UQCRB: variants seen among roughly 807,000 people sequenced by gnomAD.
UQCRB encodes cytochrome b-c1 complex subunit 7.
Under a neutral mutation model 19.8 loss-of-function variants are expected in UQCRB, and 12 were observed. The observed-to-expected ratio is 0.61, with a 90% confidence interval of 0.39 to 0.98. UQCRB has a LOEUF of 0.98. UQCRB is among the 50% of genes least tolerant of loss of function. The probability of loss-of-function intolerance (pLI) is 0.00; values close to 1 mark genes in which losing one functional copy is unlikely to be tolerated. For missense variants in UQCRB, 142 were observed against 131.8 expected (o/e 1.08, Z -0.38); for synonymous variants, 39 against 42.9 (o/e 0.91, Z 0.35).
In UQCRB at chr8:96,226,040, T is replaced by C. The variant is rs1809519322; in HGVS notation, c.*5015A>G. On this transcript the variant is annotated 3_prime_UTR_variant, in exon 4 of 4. Transcript: ENST00000287022. ...GTAGAAGCCAGGATGCTGCTAAATA[T>C]CCTGTAACACACAGAGGAGGCCCCC... 2 of 152,142 alleles carry C rather than the reference T, an allele frequency of 1.3e-5. No homozygotes were observed. The highest frequency in any genetic ancestry group is 4.1e-4 in the South Asian group (2 of 4,830). 9.4% of individuals were successfully genotyped at this position (152,142 alleles called of 1,614,324 possible).
chr8:96,228,320 G>A lies in UQCRB; in HGVS notation c.*2735C>T, dbSNP rs1233637763. ...AATTAGCAGGATTTGAATATTGGCA[G>A]TTTTAAAATGTCACCCATCCAAAAC... On this transcript the variant is annotated 3_prime_UTR_variant, in exon 4 of 4. Coordinates refer to ENST00000287022, the MANE Select transcript of UQCRB (RefSeq NM_006294.5). 1 of 454,138 alleles carries A rather than the reference G, an allele frequency of 2.2e-6. No individual in the cohort carries two copies. The highest frequency in any genetic ancestry group is 2.0e-5 in the African/African-American group (1 of 50,146). The allele number at this position is 454,138 out of a possible 1,614,324, so 28.1% of individuals were successfully genotyped here. A position where few individuals can be genotyped will look rare whatever the true frequency, so the allele number is the denominator to read the frequency against.
rs1449575956 is a variant in UQCRB at position 96,229,764 on chromosome 8, A to G, written c.*1291T>C. ...GTTTAGAAAAATAACGACCAGCGAAAGGAAAAAAAAAAGCGGGGGAGGGGG... is the reference window on the plus strand; with the variant it reads ...GTTTAGAAAAATAACGACCAGCGAAGGGAAAAAAAAAAGCGGGGGAGGGGG... On this transcript the variant is annotated 3_prime_UTR_variant, in exon 4 of 4. Transcript: ENST00000287022. 1 of 453,764 alleles carries G rather than the reference A, an allele frequency of 2.2e-6. No homozygotes were observed. The allele number at this position is 453,764 out of a possible 1,614,324, so 28.1% of individuals were successfully genotyped here.
At position 96,227,128 on chromosome 8, in the gene UQCRB, T is replaced by C; in HGVS notation, c.*3927A>G. On this transcript the variant is annotated 3_prime_UTR_variant, in exon 4 of 4. Coordinates refer to ENST00000287022, the MANE Select transcript of UQCRB (RefSeq NM_006294.5). ...GTGTTCCTTATACAGTCATCTGGTA[T>C]GTTTAAAGAGTGAGCAATCATATAA... 2.2e-6 allele frequency: 1 copy of C among 452,426 alleles called. No individual in the cohort carries two copies. The highest frequency in any genetic ancestry group is 2.4e-5 in the Admixed American group (1 of 42,332). The allele number at this position is 452,426 out of a possible 1,614,324, so 28.0% of individuals were successfully genotyped here.
In UQCRB at chr8:96,230,890, G is replaced by GATTCAGTAGTT. The variant is rs577369724; in HGVS notation, c.*154_*164dup. On this transcript the variant is annotated 3_prime_UTR_variant, in exon 4 of 4. Coordinates refer to ENST00000287022, the MANE Select transcript of UQCRB (RefSeq NM_006294.5). ...TTGGAAAAAAATTTAACAGTAAAGGGATTCAGTAGTTATTCAGTATAAGGT... is the reference window on the plus strand; with the variant it reads ...TTGGAAAAAAATTTAACAGTAAAGGGATTCAGTAGTTATTCAGTAGTTATTCAGTATAAGGT... The GATTCAGTAGTT allele has an allele frequency of 0.015, 12,015 of 800,428 alleles. 133 individuals are homozygous for GATTCAGTAGTT. The highest frequency in any genetic ancestry group is 0.019 in the Non-Finnish European group (8,576 of 461,168). 49.6% of individuals were successfully genotyped at this position (800,428 alleles called of 1,614,324 possible).
chr8:96,235,395 T>C, intron 1 of UQCRB, 117 bp downstream of exon 1: 2 of 1,458,444 alleles, frequency 1.4e-6, no homozygotes, highest in South Asian at 2.3e-5. Flanking sequence ...AAGCAGCCAA[T>C]TTCCCTTCCG....
At chr8:96,232,119 T>C (rs1378617873) in intron 2 of UQCRB, 179 bp from the exon 3 acceptor site, 3 of 642,040 alleles carry the variant, frequency 4.7e-6, no homozygotes, top group Non-Finnish European at 5.4e-6. Context: ...CAAAAGTAAT[T>C]GCAGTTTTGC....
rs1263555644 is a variant in UQCRB at position 96,227,190 on chromosome 8, T to A, written c.*3865A>T. The A allele has an allele frequency of 4.4e-6, 2 of 452,848 alleles. No homozygotes were observed. The highest frequency in any genetic ancestry group is 4.7e-5 in the Admixed American group (2 of 42,432). The allele number at this position is 452,848 out of a possible 1,614,324, so 28.1% of individuals were successfully genotyped here. A position where few individuals can be genotyped will look rare whatever the true frequency, so the allele number is the denominator to read the frequency against. On this transcript the variant is annotated 3_prime_UTR_variant, in exon 4 of 4. Coordinates refer to ENST00000287022, the MANE Select transcript of UQCRB (RefSeq NM_006294.5). ...GTCATAACTGATTGAAGTAATAAAA[T>A]CCTGAAACTAAATAACATCTCATAA...
chr8:96,224,226 CCAA>C lies in UQCRB; in HGVS notation c.*6826_*6828del, dbSNP rs1191817246. On this transcript the variant is annotated 3_prime_UTR_variant, in exon 4 of 4. Coordinates refer to ENST00000287022, the MANE Select transcript of UQCRB (RefSeq NM_006294.5). ...AAACGGCAGGCAAGGTCAAGGAGAACCAACTTTGATAGAGATAGCAGAGTGGGG... is the reference window on the plus strand; with the variant it reads ...AAACGGCAGGCAAGGTCAAGGAGAACCTTTGATAGAGATAGCAGAGTGGGG... Among the ~76,000 whole-genome samples the C allele has an allele frequency of 6.6e-6, 1 of 152,076 alleles. No homozygotes were observed. The highest frequency in any genetic ancestry group is 1.9e-4 in the East Asian group (1 of 5,196).
Position 96,230,831 on chromosome 8 carries a change from A to T in UQCRB, c.*224T>A, listed in dbSNP as rs1216596218. ...ATAAAGTGGCTTCTGAGCTCCAAGT[A>T]GCAGTTAAACACAACTAAATATATC... On this transcript the variant is annotated 3_prime_UTR_variant, in exon 4 of 4. Coordinates refer to ENST00000287022, the MANE Select transcript of UQCRB (RefSeq NM_006294.5). The T allele has an allele frequency of 1.5e-6, 1 of 670,030 alleles. No individual in the cohort carries two copies. 41.5% of individuals were successfully genotyped at this position (670,030 alleles called of 1,614,324 possible).
At position 96,229,539 on chromosome 8, in the gene UQCRB, T is replaced by C. The variant is rs1247305461; in HGVS notation, c.*1516A>G. On this transcript the variant is annotated 3_prime_UTR_variant, in exon 4 of 4. Coordinates refer to ENST00000287022, the MANE Select transcript of UQCRB (RefSeq NM_006294.5). Reference sequence around the variant, plus strand: ...CTTGAAATCACTATTAAAAGAGCCTTTGCAGAGATCTACTCAGGAAAATTT... The same window carrying C: ...CTTGAAATCACTATTAAAAGAGCCTCTGCAGAGATCTACTCAGGAAAATTT... 1 of 453,322 alleles carries C rather than the reference T, an allele frequency of 2.2e-6. No individual in the cohort carries two copies. The highest frequency in any genetic ancestry group is 2.4e-5 in the Admixed American group (1 of 42,540). The allele number at this position is 453,322 out of a possible 1,614,324, so 28.1% of individuals were successfully genotyped here. A position where few individuals can be genotyped will look rare whatever the true frequency, so the allele number is the denominator to read the frequency against.
chr8:96,235,397 T>C, intron 1 of UQCRB, 115 bp downstream of exon 1: 4 of 1,469,642 alleles, frequency 2.7e-6, no homozygotes, highest in Non-Finnish European at 2.9e-6. Context: ...GCAGCCAATT[T>C]CCCTTCCGCG....
chr8:96,235,216 T>C, intron 1 of UQCRB: 1 of 565,198 alleles, frequency 1.8e-6, no homozygotes, highest in East Asian at 3.1e-5. Context: ...CTTTAACTTT[T>C]CTAAGGCCAA....
Position 96,227,929 on chromosome 8 carries a change from G to T in UQCRB, c.*3126C>A. 1 of 454,080 alleles carries T rather than the reference G, an allele frequency of 2.2e-6. No individual in the cohort carries two copies. The highest frequency in any genetic ancestry group is 4.4e-6 in the Non-Finnish European group (1 of 226,776). 28.1% of individuals were successfully genotyped at this position (454,080 alleles called of 1,614,324 possible). A position where few individuals can be genotyped will look rare whatever the true frequency, so the allele number is the denominator to read the frequency against. ...CATCACTAACATTTTGGTACCACTC[G>T]TAGAGCGTCACATAAATATTCAGAC... On this transcript the variant is annotated 3_prime_UTR_variant, in exon 4 of 4. Coordinates refer to ENST00000287022, the MANE Select transcript of UQCRB (RefSeq NM_006294.5).
intron 1 of UQCRB, 130 bp downstream of exon 1, chr8:96,235,382 C>G: frequency 2.2e-6 from 3 of 1,345,762 alleles, no homozygotes; most frequent in South Asian, 2.3e-5. Context: ...TTTCACTGGA[C>G]TGAAGCAGCC....
chr8:96,234,509 C>T, intron 1 of UQCRB: 1 of 1,288,748 alleles, frequency 7.8e-7, no homozygotes, highest in South Asian at 1.2e-5. Context: ...GAAGCAGTGT[C>T]TTGAATTTAG....
In UQCRB at chr8:96,235,516, C is replaced by A. The variant is rs750347806; in HGVS notation, c.15G>T (p.Gln5His). Reference protein sequence around the residue: MAGKQAVSASGKWLD... With the variant: MAGKHAVSASGKWLD... ...AGAAGACCCCCAGTTACTTACCGGC[C>A]TGCTTACCAGCCATTTTGACCAGAA... The change falls in exon 1 of 4, where the codon CAG (glutamine) becomes CAT (histidine). Residue 5 changes from glutamine (Q) to histidine (H), a missense_variant. By Grantham distance (24) the Gln-to-His change is conservative. Around this residue, in one of 2 missense-constraint regions of UQCRB, gnomAD observed 132 missense variants for 107.5 expected, o/e 1.23. Coordinates refer to ENST00000287022, the MANE Select transcript of UQCRB (RefSeq NM_006294.5). 2 of 1,614,100 alleles carry A rather than the reference C, an allele frequency of 1.2e-6. No individual in the cohort carries two copies. Among genetic ancestry groups the A allele is most frequent in the Non-Finnish European group, 1.7e-6 (2 of 1,180,050 alleles).
chr8:96,232,191 A>T, intron 2 of UQCRB: 2 of 473,926 alleles, frequency 4.2e-6, no homozygotes, highest in Non-Finnish European at 7.6e-6. Flanking sequence ...GACTATGGAA[A>T]CAATATATGA....
chr8:96,233,123 CAACA>C (rs1809714531), intron 2 of UQCRB, 29 bp downstream of exon 2: 2 of 1,591,762 alleles, frequency 1.3e-6, no homozygotes, highest in Admixed American at 1.7e-5. Context: ...ACAACAACAA[CAACA>C]AAAAACATTA....
chr8:96,230,461 C>T lies in UQCRB; in HGVS notation c.*594G>A, dbSNP rs1019105811. On this transcript the variant is annotated 3_prime_UTR_variant, in exon 4 of 4. Transcript: ENST00000287022. Reference sequence around the variant, plus strand: ...AGTATCCAACCCTTAAACTTCATAACAATCATTTCCAAAGTGGAAAAGTCA... The same window carrying T: ...AGTATCCAACCCTTAAACTTCATAATAATCATTTCCAAAGTGGAAAAGTCA... 14 of 454,056 alleles carry T rather than the reference C, an allele frequency of 3.1e-5. No homozygotes were observed. The highest frequency in any genetic ancestry group is 2.8e-4 in the African/African-American group (14 of 50,108). 28.1% of individuals were successfully genotyped at this position (454,056 alleles called of 1,614,324 possible). A position where few individuals can be genotyped will look rare whatever the true frequency, so the allele number is the denominator to read the frequency against.
Sources: gnomAD v4.1 joint callset for allele counts (sites outside exome capture counted in the v4.1 genomes callset) on GRCh38, gnomAD v4.1.1 for gene constraint, gnomAD v4.1.1 regional missense constraint, MANE v1.5 for transcripts, NCBI Gene and HGNC (gene_info 2026-07-23, HGNC 2026-07-21) for gene names.